NAV3: variants seen among roughly 807,000 people sequenced by gnomAD.
The protein encoded by NAV3 is pore membrane and/or filament interacting like protein 1.
A neutral mutation model predicts 244.7 loss-of-function variants in NAV3; 87 were observed. That is an observed-to-expected ratio of 0.36 (90% CI 0.30 to 0.42). The LOEUF (loss-of-function observed/expected upper bound fraction) is 0.42, where lower values mean the gene tolerates loss of function less well. NAV3 is among the 20% of genes least tolerant of loss of function. The pLI, the probability that NAV3 is intolerant of heterozygous loss-of-function variation, is 1.00. For synonymous variants in NAV3, 1,126 were observed against 1,042.2 expected (o/e 1.08, Z -1.55); for missense variants, 2,663 against 2,893.3 (o/e 0.92, Z 1.83).
At chr12:77,807,773 CA>C (rs1214088305) in intron 2 of NAV3, among the ~76,000 whole-genome samples, 2 of 151,956 alleles carry the variant, frequency 1.3e-5, no homozygotes, top group Non-Finnish European at 2.9e-5. Flanking sequence ...GAAGAGTTTC[CA>C]AATTGGTTCC....
chr12:77,895,456 G>C (rs1293464680), intron 1 of NAV3, among the ~76,000 whole-genome samples: 2 of 151,864 alleles, frequency 1.3e-5, no homozygotes, highest in East Asian at 3.9e-4. Flanking sequence ...TGAGTTTTGG[G>C]CATGCAGCAA....
chr12:77,802,486 C>G (rs1447488595), intron 2 of NAV3, among the ~76,000 whole-genome samples: 5 of 152,186 alleles, frequency 3.3e-5, no homozygotes, highest in African/African-American at 7.2e-5. Context: ...GAAAGACAGA[C>G]AATGAAGAAA....
At chr12:77,689,504 G>C (rs577076963) in intron 2 of NAV3, among the ~76,000 whole-genome samples, 3 of 151,908 alleles carry the variant, frequency 2.0e-5, no homozygotes, top group African/African-American at 7.2e-5. Context: ...GGATGTTTCA[G>C]GAAGGTGTGT....
intron 3 of NAV3, among the ~76,000 whole-genome samples, chr12:77,960,730 A>C (rs946353063): frequency 2.7e-5 from 4 of 147,540 alleles, no homozygotes; most frequent in African/African-American, 9.8e-5. Flanking sequence ...TATCATACAC[A>C]TATGTATCAT....
chr12:77,827,120 C>A (rs1458679513), upstream of NAV3, among the ~76,000 whole-genome samples: 1 of 151,444 alleles, frequency 6.6e-6, no homozygotes, highest in East Asian at 1.9e-4. Flanking sequence ...GTAATCCCAG[C>A]TGCTTGGGAG....
At chr12:77,968,239 C>T (rs778679471) in intron 4 of NAV3, among the ~76,000 whole-genome samples, 4 of 152,172 alleles carry the variant, frequency 2.6e-5, no homozygotes, top group Non-Finnish European at 4.4e-5. Context: ...GCAGCTAACT[C>T]GAGAAAAATT....
intron 2 of NAV3, among the ~76,000 whole-genome samples, chr12:77,694,881 G>A (rs1299504494): frequency 6.6e-6 from 1 of 152,130 alleles, no homozygotes; most frequent in East Asian, 1.9e-4. Flanking sequence ...GAGATAACAT[G>A]TTGCCTGCAC....
chr12:77,630,631 G>A (rs1871852609), intron 2 of NAV3, among the ~76,000 whole-genome samples: 1 of 152,118 alleles, frequency 6.6e-6, no homozygotes, highest in Admixed American at 6.6e-5. Flanking sequence ...AGACGTGAAG[G>A]AAGAATAGGG....
rs961985408 is a variant in NAV3, at chr12:77,786,910, C to G, written c.73-153409C>G. Among the ~76,000 whole-genome samples the G allele has an allele frequency of 2.0e-5, 3 of 152,200 alleles. No individual in the cohort carries two copies. In the East Asian group the frequency reaches 5.8e-4, roughly 29 times the overall value. On this transcript the variant is annotated intron_variant, in intron 2 of 8. Coordinates refer to the NAV3 transcript ENST00000550042. ...AGTGCTGTCATGCCTTTCCTCTGCTCGGATTCCACCCATTGTTTCCCATTA... is the reference window on the plus strand; with the variant it reads ...AGTGCTGTCATGCCTTTCCTCTGCTGGGATTCCACCCATTGTTTCCCATTA...
At chr12:78,066,284 A>G (rs1229189768) in intron 12 of NAV3, among the ~76,000 whole-genome samples, 1 of 152,154 alleles carries the variant, frequency 6.6e-6, no homozygotes, top group Non-Finnish European at 1.5e-5. Context: ...GAGGTTGATT[A>G]GAAGGTTTTT....
chr12:77,826,973 G>A (rs985727861), upstream of NAV3, among the ~76,000 whole-genome samples: 8 of 152,178 alleles, frequency 5.3e-5, no homozygotes, highest in African/African-American at 1.7e-4. Context: ...TGTAATCCCA[G>A]CACTTTGGGA....
chr12:77,888,948 AG>A (rs1470835329), intron 1 of NAV3, among the ~76,000 whole-genome samples: 2 of 152,178 alleles, frequency 1.3e-5, no homozygotes, highest in Non-Finnish European at 2.9e-5. Flanking sequence ...ATTTTAGGAC[AG>A]ATTTGGTCAA....
At chr12:77,848,098 T>G (rs1289589526) in intron 1 of NAV3, among the ~76,000 whole-genome samples, 1 of 152,186 alleles carries the variant, frequency 6.6e-6, no homozygotes, top group Non-Finnish European at 1.5e-5. Flanking sequence ...ACAACAAGAA[T>G]AGTCAGAATA....
intron 2 of NAV3, among the ~76,000 whole-genome samples, chr12:77,648,061 A>G (rs1175957363): frequency 3.3e-5 from 5 of 152,080 alleles, no homozygotes; most frequent in African/African-American, 1.2e-4. Context: ...CTCCCTATCA[A>G]TGGCCAAACA....
intron 12 of NAV3, among the ~76,000 whole-genome samples, chr12:78,064,146 A>G (rs527368641): frequency 2.6e-5 from 4 of 152,194 alleles, no homozygotes; most frequent in South Asian, 2.1e-4. Context: ...GACACCATCT[A>G]TTTCTAGAGG....
intron 2 of NAV3, among the ~76,000 whole-genome samples, chr12:77,777,457 A>G (rs1342505125): frequency 6.6e-6 from 1 of 152,190 alleles, no homozygotes; most frequent in Non-Finnish European, 1.5e-5. Context: ...TAGCATCTAC[A>G]GTGTGGATAC....
chr12:78,020,990 C>T (rs80175808), intron 8 of NAV3, among the ~76,000 whole-genome samples: 2,803 of 152,140 alleles, frequency 0.018, 97 homozygotes, highest in African/African-American at 0.063. Context: ...GTCAAATATA[C>T]GTCGATTTTG....
At chr12:77,907,711 A>G (rs998227592) in intron 1 of NAV3, among the ~76,000 whole-genome samples, 31 of 152,128 alleles carry the variant, frequency 2.0e-4, no homozygotes, top group Admixed American at 7.2e-4. Flanking sequence ...TAGAAGAGGT[A>G]TCATTACACC....
At chr12:77,933,503 A>G (rs547982289) in intron 1 of NAV3, among the ~76,000 whole-genome samples, 35 of 152,318 alleles carry the variant, frequency 2.3e-4, no homozygotes, top group Middle Eastern at 6.8e-3. Flanking sequence ...GGGGTAGTCA[A>G]CTCATTAATA....
Sources: gnomAD v4.1 joint callset for allele counts (sites outside exome capture counted in the v4.1 genomes callset) on GRCh38, gnomAD v4.1.1 for gene constraint, MANE v1.5 for transcripts, NCBI Gene and HGNC (gene_info 2026-07-23, HGNC 2026-07-21) for gene names.